DLG4: variants seen among roughly 807,000 people sequenced by gnomAD.
DLG4 encodes the protein discs large MAGUK scaffold protein 4.
In DLG4, 7 loss-of-function variants were observed where a neutral mutation model predicts 93.8. The observed-to-expected ratio is 0.07, with a 90% confidence interval of 0.04 to 0.14. DLG4 has a LOEUF of 0.14. Ranked by LOEUF, DLG4 falls within the 10% of genes least tolerant of loss-of-function variation. The pLI is 1.00. For synonymous variants in DLG4, 341 were observed against 387.6 expected (o/e 0.88, Z 1.41); for missense variants, 545 against 992.9 (o/e 0.55, Z 6.06).
intron 8 of DLG4, among the ~76,000 whole-genome samples, chr17:7,200,799 G>A (rs139127659): frequency 6.6e-4 from 100 of 150,876 alleles, no homozygotes; most frequent in Non-Finnish European, 1.3e-3. Context: ...ACCCATCTCG[G>A]CCTCCCAAAG....
At chr17:7,214,706 C>A (rs1484974092) in intron 1 of DLG4, among the ~76,000 whole-genome samples, 1 of 152,202 alleles carries the variant, frequency 6.6e-6, no homozygotes, top group African/African-American at 2.4e-5. Flanking sequence ...CAGCTTCAGT[C>A]GTCGCCGGTT....
Position 7,203,872 on chromosome 17 carries a change from C to A in DLG4, c.211-56G>T. ...CCCTCACTGCCCAAGTCTGGCAAGGCAAGTGGGGTGGGAAATGGCTTGGAG... is the reference window on the plus strand; with the variant it reads ...CCCTCACTGCCCAAGTCTGGCAAGGAAAGTGGGGTGGGAAATGGCTTGGAG... On this transcript the variant is annotated intron_variant, in intron 4 of 19. Coordinates refer to ENST00000399506, the MANE Select transcript of DLG4 (RefSeq NM_001321075.3). The surrounding 1 kb of genome is among the most constrained non-coding windows in gnomAD (Gnocchi z 7.2). The A allele has an allele frequency of 6.2e-7, 1 of 1,604,562 alleles. No homozygotes were observed. Among genetic ancestry groups the A allele is most frequent in the Non-Finnish European group, 8.5e-7 (1 of 1,175,432 alleles).
At position 7,194,078 on chromosome 17, in the gene DLG4, A is replaced by G; in HGVS notation, c.1479-78T>C. On this transcript the variant is annotated intron_variant, in intron 12 of 19. Transcript: ENST00000399506. The surrounding 1 kb of genome is among the most constrained non-coding windows in gnomAD (Gnocchi z 4.4). ...CCCCCATGCTCTGAGCCAGCTGACA[A>G]CCCCTTCTCCATACTCTGGGCCAGC... 1.3e-6 allele frequency: 2 copies of G among 1,554,450 alleles called. No individual in the cohort carries two copies. The highest frequency in any genetic ancestry group is 1.7e-6 in the Non-Finnish European group (2 of 1,144,948).
chr17:7,217,170 G>A lies in DLG4; in HGVS notation c.-23C>T. ...CATGTTGGGGGGCCTGGCCGCGGCGGCGGGTAAGGGGCTCTGACTTCATCG... is the reference window on the plus strand; with the variant it reads ...CATGTTGGGGGGCCTGGCCGCGGCGACGGGTAAGGGGCTCTGACTTCATCG... On this transcript the variant is annotated 5_prime_UTR_variant, in exon 1 of 20. Transcript: ENST00000399506. 7.8e-7 allele frequency: 1 copy of A among 1,285,310 alleles called. No individual in the cohort carries two copies. 79.6% of individuals were successfully genotyped at this position (1,285,310 alleles called of 1,614,324 possible).
chr17:7,193,923 C>A lies in DLG4; in HGVS notation c.1515+41G>T. On this transcript the variant is annotated intron_variant, in intron 13 of 19. Transcript: ENST00000399506. This position sits in a 1 kb window ranked among gnomAD's most constrained non-coding sequence, Gnocchi z 6.7. ...TTAGTTATGAGCTCAGCTCCATGAG[C>A]CCTCACACTTCCACCCAGGCTCACA... 6.2e-7 allele frequency: 1 copy of A among 1,613,086 alleles called. No homozygotes were observed. Among genetic ancestry groups the A allele is most frequent in the Non-Finnish European group, 8.5e-7 (1 of 1,179,384 alleles).
At position 7,217,203 on chromosome 17, in the gene DLG4, G is replaced by C; in HGVS notation, c.-56C>G. On this transcript the variant is annotated 5_prime_UTR_variant, in exon 1 of 20. Transcript: ENST00000399506. Reference sequence around the variant, plus strand: ...GGGGCTCTGACTTCATCGGAGTTTCGTTCCTCCCCTCCGTGGGTTCTCACC... The same window carrying C: ...GGGGCTCTGACTTCATCGGAGTTTCCTTCCTCCCCTCCGTGGGTTCTCACC... 1 of 1,263,650 alleles carries C rather than the reference G, an allele frequency of 7.9e-7. No homozygotes were observed. The highest frequency in any genetic ancestry group is 1.0e-6 in the Non-Finnish European group (1 of 997,622). The allele number at this position is 1,263,650 out of a possible 1,614,324, so 78.3% of individuals were successfully genotyped here.
At chr17:7,192,549 G>T in intron 17 of DLG4, 1 of 252,370 alleles carries the variant, frequency 4.0e-6, no homozygotes, top group East Asian at 1.0e-4. Context: ...CAGAGGAGTG[G>T]GAGAGGGGAG....
Position 7,196,243 on chromosome 17 carries a change from G to C in DLG4, c.1278C>G (p.Asn426Lys). 1 of 1,613,920 alleles carries C rather than the reference G, an allele frequency of 6.2e-7. No homozygotes were observed. Among genetic ancestry groups the C allele is most frequent in the Non-Finnish European group, 8.5e-7 (1 of 1,179,854 alleles). ...LGSGTASLRS[N>K]PKRGFYIRAL... ...ACCTGATGTAGAAACCCCTTTTGGG[G>C]TTGCTCCGCAGGGACGCAGTCCCTG... Residue 426 changes from asparagine (N) to lysine (K), a missense_variant, in exon 11 of 20, where the codon AAC becomes AAG. Physicochemically the swap from Asn to Lys is moderately conservative, Grantham distance 94. This residue lies in a region of DLG4 where 428 missense variants were observed against 741.4 expected (regional missense o/e 0.58). Transcript: ENST00000399506. The surrounding 1 kb of genome is among the most constrained non-coding windows in gnomAD (Gnocchi z 8.3).
At position 7,196,280 on chromosome 17, in the gene DLG4, C is replaced by T. The variant is rs769325437; in HGVS notation, c.1241G>A (p.Ser414Asn). 6.2e-7 allele frequency: 1 copy of T among 1,613,990 alleles called. No homozygotes were observed. The highest frequency in any genetic ancestry group is 1.7e-5 in the Admixed American group (1 of 60,030). Residue 414 changes from serine (S) to asparagine (N), a missense_variant, in exon 11 of 20, where the codon AGC (serine) becomes AAC (asparagine). Ser to Asn is a conservative substitution (Grantham distance 46). Transcript: ENST00000399506. The surrounding 1 kb of genome is among the most constrained non-coding windows in gnomAD (Gnocchi z 8.3). ...IHDLREQLMN[S>N]SLGSGTASLR... is the part of the protein sequence containing the mutation. ...GGACGCAGTCCCTGAGCCCAGGCTG[C>T]TGTTCATGAGCTGTTCCCGAAGGTC...
chr17:7,219,285 ATCCATC>A (rs1254098397), upstream of DLG4: 1 of 604,014 alleles, frequency 1.7e-6, no homozygotes, highest in Non-Finnish European at 2.2e-6. Flanking sequence ...CCCGGGAGGA[ATCCATC>A]TGCCTGGGCA....
At chr17:7,200,362 G>C (rs951773617) in intron 8 of DLG4, among the ~76,000 whole-genome samples, 15 of 152,082 alleles carry the variant, frequency 9.9e-5, no homozygotes, top group Non-Finnish European at 1.5e-4. Flanking sequence ...CTTGTTTTAT[G>C]TCTTTCAGTA....
rs998703059 is a variant in DLG4, at chr17:7,191,714, C to T, written c.1976+179G>A. On this transcript the variant is annotated intron_variant, in intron 18 of 19. Transcript: ENST00000399506. The surrounding 1 kb of genome is among the most constrained non-coding windows in gnomAD (Gnocchi z 6.6). ...GAAATGTAGTCCTGTCTAGCCAAGGCAGGAGAGGAGGGGAAAGACCCGATT... is the reference window on the plus strand; with the variant it reads ...GAAATGTAGTCCTGTCTAGCCAAGGTAGGAGAGGAGGGGAAAGACCCGATT... 3 of 566,880 alleles carry T rather than the reference C, an allele frequency of 5.3e-6. No homozygotes were observed. In the African/African-American group the frequency reaches 5.6e-5, roughly 11 times the overall value. The allele number at this position is 566,880 out of a possible 1,614,324, so 35.1% of individuals were successfully genotyped here. A position where few individuals can be genotyped will look rare whatever the true frequency, so the allele number is the denominator to read the frequency against.
chr17:7,219,629 C>T (rs1217725941), upstream of DLG4: 2 of 1,229,336 alleles, frequency 1.6e-6, no homozygotes, highest in African/African-American at 3.1e-5. Context: ...TCTAACCCCA[C>T]CGGAGAAGCC....
At chr17:7,204,107 T>C in intron 3 of DLG4, 40 bp from the exon 4 acceptor site, 1 of 1,601,338 alleles carries the variant, frequency 6.2e-7, no homozygotes, top group Non-Finnish European at 8.5e-7. Context: ...AGACAGACAT[T>C]CCTGTCTGAC....
intron 2 of DLG4, chr17:7,205,053 G>A: frequency 1.0e-6 from 1 of 985,448 alleles, no homozygotes; most frequent in Non-Finnish European, 1.2e-6. Flanking sequence ...TCCTGCCCTG[G>A]GCCCCGCCCC....
rs371000737 is a variant in DLG4, at chr17:7,193,141, C to T, written c.1694-24G>A. On this transcript the variant is annotated intron_variant, in intron 16 of 19. Transcript: ENST00000399506. The surrounding 1 kb of genome is among the most constrained non-coding windows in gnomAD (Gnocchi z 6.7). ...ATCTGCCAGGAAGTCACCCCACCCC[C>T]CAAAGATCTAACCACCATCCCTCTA... The T allele has an allele frequency of 9.3e-6, 15 of 1,612,832 alleles. No individual in the cohort carries two copies. The highest frequency in any genetic ancestry group is 6.7e-5 in the East Asian group (3 of 44,870).
At chr17:7,207,322 T>C (rs1002021210) in intron 2 of DLG4, among the ~76,000 whole-genome samples, 1 of 149,520 alleles carries the variant, frequency 6.7e-6, no homozygotes, top group South Asian at 2.1e-4. Context: ...GGAGAATGCG[T>C]GGGAGGAAGA....
In DLG4 at chr17:7,194,588, T is replaced by C. The variant is rs1212213258; in HGVS notation, c.1302-93A>G. 15 of 1,383,672 alleles carry C rather than the reference T, an allele frequency of 1.1e-5. No individual in the cohort carries two copies. The highest frequency in any genetic ancestry group is 1.3e-5 in the Non-Finnish European group (13 of 1,022,904). The allele number at this position is 1,383,672 out of a possible 1,614,324, so 85.7% of individuals were successfully genotyped here. ...AAGACCCGGCCCAGAGGTCTGCAGA[T>C]GGCACTCCCATGGGAGCTATGGATG... On this transcript the variant is annotated intron_variant, in intron 11 of 19. Transcript: ENST00000399506. The surrounding 1 kb of genome is among the most constrained non-coding windows in gnomAD (Gnocchi z 4.4).
upstream of DLG4, chr17:7,219,135 C>G (rs2071070229): frequency 1.9e-6 from 1 of 515,144 alleles, no homozygotes; most frequent in African/African-American, 1.9e-5. Context: ...GCCCAGCTCT[C>G]TCTCCTCCTG....
Sources: gnomAD v4.1 joint callset for allele counts (sites outside exome capture counted in the v4.1 genomes callset) on GRCh38, gnomAD v4.1.1 for gene constraint, gnomAD v4.1.1 regional missense constraint, Gnocchi (gnomAD v3.1) non-coding constraint, MANE v1.5 for transcripts, NCBI Gene and HGNC (gene_info 2026-07-23, HGNC 2026-07-21) for gene names.